Variants in PXDNL observed in about 807,000 individuals in gnomAD.
PXDNL encodes probable oxidoreductase PXDNL.
PXDNL carries 145 observed loss-of-function variants against 150.8 expected under a neutral mutation model. The observed-to-expected ratio is 0.96, with a 90% CI of 0.84 to 1.10. PXDNL has a LOEUF of 1.10. Ranked by LOEUF, PXDNL falls within the 50% of genes least tolerant of loss-of-function variation. The pLI is 0.00. For missense variants in PXDNL, 2,087 were observed against 1,873.9 expected, an observed-to-expected ratio of 1.11 and a Z score of -2.10; for synonymous variants, 757 against 725.7, an observed-to-expected ratio of 1.04 and a Z score of -0.69.
At chr8:51,440,571 T>C (rs1809519254) in intron 12 of PXDNL, among the ~76,000 whole-genome samples, 1 of 152,120 alleles carries the variant, frequency 6.6e-6, no homozygotes, top group South Asian at 2.1e-4. Flanking sequence ...CCCACAACAC[T>C]CTACATAGCT....
At chr8:51,427,746 C>T (rs4404903) in intron 12 of PXDNL, among the ~76,000 whole-genome samples, 111,849 of 152,062 alleles carry the variant, frequency 0.74, 42,622 homozygotes, top group Non-Finnish European at 0.84. Flanking sequence ...GGAACTTCCA[C>T]AACTTGGAAA....
intron 1 of PXDNL, among the ~76,000 whole-genome samples, chr8:51,798,208 T>C (rs2129261594): frequency 6.6e-6 from 1 of 152,226 alleles, no homozygotes; most frequent in African/African-American, 2.4e-5. Context: ...GACTTAAATG[T>C]AAAACCCAGA....
At chr8:51,616,086 T>C (rs1325345191) in intron 2 of PXDNL, among the ~76,000 whole-genome samples, 1 of 152,084 alleles carries the variant, frequency 6.6e-6, no homozygotes, top group African/African-American at 2.4e-5. Context: ...GCAGGTGGGG[T>C]GGAGCCCATG....
intron 19 of PXDNL, among the ~76,000 whole-genome samples, chr8:51,346,335 A>G (rs565848111): frequency 1.3e-5 from 2 of 151,508 alleles, no homozygotes; most frequent in East Asian, 3.9e-4. Context: ...AAATTTGGCA[A>G]CTCCTCAAAG....
intron 4 of PXDNL, among the ~76,000 whole-genome samples, chr8:51,505,889 T>C (rs2130316255): frequency 6.6e-6 from 1 of 152,332 alleles, no homozygotes; most frequent in Non-Finnish European, 1.5e-5. Context: ...AAGATTAAAA[T>C]AGGCACGCTT....
At chr8:51,796,445 A>ATC (rs2037561713) in intron 1 of PXDNL, among the ~76,000 whole-genome samples, 2 of 152,102 alleles carry the variant, frequency 1.3e-5, no homozygotes, top group Admixed American at 6.5e-5. Context: ...ATAAAGAAGA[A>ATC]AAGAGAGAAA....
intron 1 of PXDNL, among the ~76,000 whole-genome samples, chr8:51,796,021 A>G (rs1044118332): frequency 1.3e-5 from 2 of 152,198 alleles, no homozygotes; most frequent in African/African-American, 2.4e-5. Flanking sequence ...ACTTTAAGCT[A>G]TTTACTTAAG....
intron 19 of PXDNL, among the ~76,000 whole-genome samples, chr8:51,346,930 C>T (rs889117601): frequency 1.3e-5 from 2 of 152,226 alleles, no homozygotes; most frequent in African/African-American, 2.4e-5. Flanking sequence ...CTGCCTAATA[C>T]ACTCTCTAAA....
chr8:51,450,000 T>TAA (rs1316027088), intron 10 of PXDNL, among the ~76,000 whole-genome samples: 1 of 152,208 alleles, frequency 6.6e-6, no homozygotes, highest in Non-Finnish European at 1.5e-5. Context: ...TGAGTATACT[T>TAA]ACAGTTATTT....
At chr8:51,693,629 G>T (rs1816049510) in intron 1 of PXDNL, among the ~76,000 whole-genome samples, 1 of 152,112 alleles carries the variant, frequency 6.6e-6, no homozygotes, top group African/African-American at 2.4e-5. Context: ...AATTAGCCAG[G>T]CATGGTGGTG....
intron 8 of PXDNL, among the ~76,000 whole-genome samples, chr8:51,464,822 A>G (rs1338290632): frequency 6.6e-6 from 1 of 152,286 alleles, no homozygotes; most frequent in East Asian, 1.9e-4. Flanking sequence ...CTTATGTAAC[A>G]AACCTGCACG....
At chr8:51,579,960 C>A (rs1422164868) in intron 3 of PXDNL, among the ~76,000 whole-genome samples, 1 of 151,412 alleles carries the variant, frequency 6.6e-6, no homozygotes, top group Non-Finnish European at 1.5e-5. Context: ...ACATATGTAA[C>A]AAACCTGCAC....
intron 1 of PXDNL, among the ~76,000 whole-genome samples, chr8:51,776,318 C>T (rs779206367): frequency 1.3e-5 from 2 of 152,124 alleles, no homozygotes; most frequent in Admixed American, 6.5e-5. Context: ...CGTATACTCC[C>T]TCCCCTTTTG....
At chr8:51,494,845 C>G (rs1811006297) in intron 5 of PXDNL, among the ~76,000 whole-genome samples, 1 of 151,650 alleles carries the variant, frequency 6.6e-6, no homozygotes, top group Admixed American at 6.6e-5. Flanking sequence ...ACTTTAACAC[C>G]CCACTGTCAA....
intron 12 of PXDNL, among the ~76,000 whole-genome samples, chr8:51,443,996 A>G (rs1809613498): frequency 6.6e-6 from 1 of 152,128 alleles, no homozygotes; most frequent in East Asian, 1.9e-4. Flanking sequence ...TCATCATTTA[A>G]CTTTACTTAT....
intron 3 of PXDNL, among the ~76,000 whole-genome samples, chr8:51,568,648 T>C (rs1411831555): frequency 1.3e-5 from 2 of 151,838 alleles, no homozygotes. Flanking sequence ...TCTGTCATTA[T>C]TTTTGGAAAA....
At chr8:51,781,066 C>T (rs189311601) in intron 1 of PXDNL, among the ~76,000 whole-genome samples, 268 of 152,082 alleles carry the variant, frequency 1.8e-3, no homozygotes, top group Middle Eastern at 3.4e-3. Context: ...GAGGACCTGC[C>T]GATACTAACA....
chr8:51,660,142 G>C (rs901974118), intron 1 of PXDNL, among the ~76,000 whole-genome samples: 1 of 152,038 alleles, frequency 6.6e-6, no homozygotes, highest in Non-Finnish European at 1.5e-5. Flanking sequence ...CGCCCACCTA[G>C]GCCTCCCAAA....
chr8:51,351,511 A>C (rs181525502), intron 19 of PXDNL, among the ~76,000 whole-genome samples: 1 of 152,314 alleles, frequency 6.6e-6, no homozygotes, highest in African/African-American at 2.4e-5. Context: ...CCTCAGTTGG[A>C]ACCAGCCCTG....
Sources: gnomAD v4.1 joint callset for allele counts (sites outside exome capture counted in the v4.1 genomes callset) on GRCh38, gnomAD v4.1.1 for gene constraint, MANE v1.5 for transcripts, NCBI Gene and HGNC (gene_info 2026-07-23, HGNC 2026-07-21) for gene names.